Variants in PRELID2 observed in about 807,000 individuals in gnomAD.
PRELID2 encodes the protein PRELI domain-containing protein 2.
Under a neutral mutation model 28.4 loss-of-function variants are expected in PRELID2, and 25 were observed. The ratio of observed to expected loss-of-function variants is 0.88; its 90% CI spans 0.64 to 1.23. PRELID2 has a LOEUF of 1.23. Ranked by LOEUF, PRELID2 falls within the 50% of genes most tolerant of loss-of-function variation. The pLI is 0.00. For missense variants in PRELID2, 201 were observed against 214.4 expected, an observed-to-expected ratio of 0.94 and a Z score of 0.39; for synonymous variants, 76 against 71.6, an observed-to-expected ratio of 1.06 and a Z score of -0.31.
At chr5:145,305,588 T>C in the PRELID2 span, among the ~76,000 whole-genome samples, 1 of 152,092 alleles carries the variant, frequency 6.6e-6, no homozygotes, top group Admixed American at 6.6e-5. Flanking sequence ...AGTCTATCAG[T>C]GGGAAGGAGG....
At chr5:145,630,817 A>C (rs1168581104) in intron 1 of PRELID2, among the ~76,000 whole-genome samples, 1 of 151,950 alleles carries the variant, frequency 6.6e-6, no homozygotes, top group African/African-American at 2.4e-5. Context: ...TATACATAAA[A>C]CTCCTGGCAT....
chr5:145,744,554 G>C (rs1031310591), intron 1 of PRELID2, among the ~76,000 whole-genome samples: 8 of 152,172 alleles, frequency 5.3e-5, no homozygotes, highest in Non-Finnish European at 1.0e-4. Context: ...AGGCGCGGTA[G>C]TGAACCAGAT....
At chr5:145,713,120 G>T (rs1460185862) in intron 1 of PRELID2, among the ~76,000 whole-genome samples, 1 of 151,366 alleles carries the variant, frequency 6.6e-6, no homozygotes, top group Non-Finnish European at 1.5e-5. Context: ...TGAAGCAAAA[G>T]AAATTAATAT....
chr5:145,484,803 A>G lies in PRELID2; in HGVS notation n.71-11488T>C, dbSNP rs796920851. 5.6e-4 allele frequency among the ~76,000 whole-genome samples: 85 copies of G among 152,348 alleles called. 2 individuals carry two copies. The highest frequency in any genetic ancestry group is 2.0e-3 in the African/African-American group (83 of 41,588). The stretch of plus-strand genomic sequence containing the variant: ...TTAATGTTCATTATCTGTTACTTCT[A>G]TAAGGTTTTACTGTATTTCCCATTA... On this transcript the variant is annotated intron_variant and non_coding_transcript_variant, in intron 1 of 2. Coordinates refer to the PRELID2 transcript ENST00000510259.
intron 1 of PRELID2, among the ~76,000 whole-genome samples, chr5:145,602,889 T>C (rs907618146): frequency 2.6e-5 from 4 of 152,008 alleles, no homozygotes; most frequent in African/African-American, 2.4e-5. Flanking sequence ...CCGTCTCTAC[T>C]AAAAATACAA....
At chr5:145,617,894 C>A (rs1005513289) in intron 1 of PRELID2, among the ~76,000 whole-genome samples, 4 of 152,016 alleles carry the variant, frequency 2.6e-5, no homozygotes, top group Non-Finnish European at 5.9e-5. Context: ...CCACCACGCC[C>A]AGCTAATTTT....
intron 5 of PRELID2, among the ~76,000 whole-genome samples, chr5:145,778,514 G>A (rs942707624): frequency 3.3e-5 from 5 of 152,166 alleles, no homozygotes; most frequent in South Asian, 2.1e-4. Context: ...CCTGATCACA[G>A]AACAAGAACT....
rs142795689 is a variant in PRELID2 at position 145,744,685 on chromosome 5, G to A, written n.70+20246C>T. Among the ~76,000 whole-genome samples, 473 of 152,020 alleles carry A rather than the reference G, an allele frequency of 3.1e-3. 2 individuals carry two copies. The highest frequency in any genetic ancestry group is 6.5e-3 in the Admixed American group (100 of 15,270). The stretch of plus-strand genomic sequence containing the variant: ...CAGTATCAACAACAACAGAAAGGCC[G>A]CACAAAAACCCTACCCAAGGGTCAG... On this transcript the variant is annotated intron_variant and non_coding_transcript_variant, in intron 1 of 2. Transcript: ENST00000510259.
chr5:145,484,413 A>T (rs1752195239), intron 1 of PRELID2, among the ~76,000 whole-genome samples: 1 of 152,178 alleles, frequency 6.6e-6, no homozygotes, highest in South Asian at 2.1e-4. Flanking sequence ...TGACTCATAG[A>T]CTGACTCATA....
intron 1 of PRELID2, among the ~76,000 whole-genome samples, chr5:145,646,177 C>T (rs369375140): frequency 4.1e-4 from 62 of 152,274 alleles, no homozygotes; most frequent in African/African-American, 5.3e-4. Flanking sequence ...ACCATTCAAA[C>T]GTAGATTTGG....
intron 2 of PRELID2, among the ~76,000 whole-genome samples, chr5:145,820,919 G>A (rs890751524): frequency 6.6e-6 from 1 of 152,100 alleles, no homozygotes; most frequent in Non-Finnish European, 1.5e-5. Context: ...AAAGGCAGGC[G>A]TGTGGTCTGA....
rs1754643857 is a variant in PRELID2 at position 145,819,942 on chromosome 5, T to C, written c.207+3A>G. The stretch of plus-strand genomic sequence containing the variant: ...CTGTGATTACATTTTAAAATGAACT[T>C]ACCTTCCTTAAAATTTCTGGAACCA... On this transcript the variant is annotated splice_donor_region_variant and intron_variant, in intron 3 of 6. Coordinates refer to ENST00000683046, the MANE Select transcript of PRELID2 (RefSeq NM_205846.3). 1.3e-6 allele frequency: 2 copies of C among 1,562,646 alleles called. No homozygotes were observed. Among genetic ancestry groups the C allele is most frequent in the Non-Finnish European group, 8.8e-7 (1 of 1,135,420 alleles).
At chr5:145,741,177 TTATA>T (rs1476124952) in intron 1 of PRELID2, among the ~76,000 whole-genome samples, 1 of 109,108 alleles carries the variant, frequency 9.2e-6, no homozygotes, top group Non-Finnish European at 1.7e-5. Context: ...TATATTTTAT[TTATA>T]TATAATATAT....
At chr5:145,747,776 C>A (rs1757030033) in intron 1 of PRELID2, among the ~76,000 whole-genome samples, 1 of 152,116 alleles carries the variant, frequency 6.6e-6, no homozygotes, top group Admixed American at 6.5e-5. Flanking sequence ...ACTGGCAAAC[C>A]AAATCCAGCA....
At chr5:145,819,291 T>C (rs1754590854) in intron 3 of PRELID2, 1 of 868,896 alleles carries the variant, frequency 1.2e-6, no homozygotes, top group Non-Finnish European at 2.0e-6. Flanking sequence ...ATCCAGATGC[T>C]TTCCTCTGAC....
chr5:145,793,245 C>T (rs997066009), intron 5 of PRELID2, among the ~76,000 whole-genome samples: 8 of 152,238 alleles, frequency 5.3e-5, no homozygotes, highest in African/African-American at 1.9e-4. Flanking sequence ...CTTGGGGATC[C>T]ATGGCTAAAG....
intron 5 of PRELID2, among the ~76,000 whole-genome samples, chr5:145,788,363 A>G (rs113038228): frequency 0.012 from 1,873 of 152,300 alleles, 44 homozygotes; most frequent in African/African-American, 0.042. Flanking sequence ...CCAACATACT[A>G]TCTTCTATTG....
intron 1 of PRELID2, among the ~76,000 whole-genome samples, chr5:145,632,516 A>G (rs1231622709): frequency 6.6e-6 from 1 of 152,192 alleles, no homozygotes. Context: ...TTCATAAACC[A>G]CAAATATCAT....
rs70998025 is a variant in PRELID2, at chr5:145,567,343, A to ATGGTTTGGTTTGGTTTGGTT, written n.71-94048_71-94029dup. 6.8e-3 allele frequency among the ~76,000 whole-genome samples: 996 copies of ATGGTTTGGTTTGGTTTGGTT among 146,312 alleles called. 9 individuals carry two copies. Among genetic ancestry groups the ATGGTTTGGTTTGGTTTGGTT allele is most frequent in the African/African-American group, 0.021 (814 of 39,264 alleles). On this transcript the variant is annotated intron_variant and non_coding_transcript_variant, in intron 1 of 2. Coordinates refer to the PRELID2 transcript ENST00000510259. ...TGACAGTGAGTTATCATGAGATCTG[A>ATGGTTTGGTTTGGTTTGGTT]TGGTTTGGTTTGGTTTGGTTTGGTT...
Sources: gnomAD v4.1 joint callset for allele counts (sites outside exome capture counted in the v4.1 genomes callset) on GRCh38, gnomAD v4.1.1 for gene constraint, MANE v1.5 for transcripts, NCBI Gene and HGNC (gene_info 2026-07-23, HGNC 2026-07-21) for gene names.